SCN9A: variants seen among roughly 807,000 people sequenced by gnomAD.
SCN9A encodes the protein sodium channel protein type 9 subunit alpha.
Under a neutral mutation model 187.0 loss-of-function variants are expected in SCN9A, and 131 were observed. The observed-to-expected ratio is 0.70, with a 90% CI of 0.61 to 0.81. SCN9A has a LOEUF of 0.81. SCN9A is among the 30% of genes least tolerant of loss of function. The pLI is 0.00. For synonymous variants in SCN9A, 809 were observed against 808.6 expected (o/e 1.00, Z -0.01); for missense variants, 2,252 against 2,396.6 (o/e 0.94, Z 1.26).
intron 7 of SCN9A, among the ~76,000 whole-genome samples, chr2:166,298,235 G>T (rs1351956943): frequency 2.0e-5 from 3 of 152,148 alleles, no homozygotes; most frequent in Admixed American, 6.5e-5. Context: ...CAATATTGCG[G>T]TTTTTTCAAA....
At chr2:166,247,099 T>C (rs116586055) in intron 18 of SCN9A, among the ~76,000 whole-genome samples, 1 of 139,840 alleles carries the variant, frequency 7.2e-6, no homozygotes, top group Non-Finnish European at 1.5e-5. Context: ...ACTAATGTGC[T>C]CTCATGGTGC....
intron 1 of SCN9A, among the ~76,000 whole-genome samples, chr2:166,329,085 G>A (rs892969705): frequency 1.3e-5 from 2 of 151,934 alleles, no homozygotes; most frequent in Non-Finnish European, 2.9e-5. Flanking sequence ...ATTAGAAAGC[G>A]ATCTTAAGTG....
In SCN9A at chr2:166,277,298, G is replaced by A. The variant is rs377382693; in HGVS notation, c.2559C>T (p.Asn853=). 6.2e-7 allele frequency: 1 copy of A among 1,611,916 alleles called. No individual in the cohort carries two copies. The highest frequency in any genetic ancestry group is 8.5e-7 in the Non-Finnish European group (1 of 1,178,138). Residue 853 remains asparagine, a synonymous_variant, in exon 16 of 27, where the codon AAC becomes AAT. Coordinates refer to ENST00000642356, the MANE Select transcript of SCN9A (RefSeq NM_001365536.1). ...AGTTACCAATGATCTTAATCAGCAT[G>A]TTCAATGTTGGCCAGGATTTTGCCA... is the stretch of plus-strand genomic sequence containing the variant. ...FKLAKSWPTL[N]MLIKIIGNSV... is the part of the protein sequence containing the mutation.
intron 7 of SCN9A, among the ~76,000 whole-genome samples, chr2:166,299,757 C>G (rs996371725): frequency 2.0e-5 from 3 of 150,836 alleles, no homozygotes; most frequent in Admixed American, 6.6e-5. Context: ...CCTCTGATTT[C>G]TATACTTAAA....
At position 166,204,152 on chromosome 2, in the gene SCN9A, C is replaced by G; in HGVS notation, c.4577G>C (p.Cys1526Ser). ...TACCATCATGGTTACCATGTTGAGACAGATAAGAACCATGATACTAATATC... is the reference window on the plus strand; with the variant it reads ...TACCATCATGGTTACCATGTTGAGAGAGATAAGAACCATGATACTAATATC... The part of the protein sequence containing the change: ...AFDISIMVLI[C>S]LNMVTMMVEK... Residue 1526 changes from cysteine (C) to serine (S), a missense_variant, in exon 26 of 27, where the codon TGT becomes TCT. Transcript: ENST00000642356. 1 of 1,611,866 alleles carries G rather than the reference C, an allele frequency of 6.2e-7. No homozygotes were observed. The highest frequency in any genetic ancestry group is 8.5e-7 in the Non-Finnish European group (1 of 1,178,344).
At chr2:166,276,871 C>T (rs1697256633) in intron 16 of SCN9A, 112 bp downstream of exon 16, 1 of 819,886 alleles carries the variant, frequency 1.2e-6, no homozygotes, top group Non-Finnish European at 1.7e-6. Context: ...TATTCTTTTG[C>T]AATTAATAAT....
intron 17 of SCN9A, among the ~76,000 whole-genome samples, chr2:166,254,105 G>A (rs573413038): frequency 3.9e-4 from 59 of 151,264 alleles, no homozygotes; most frequent in African/African-American, 1.4e-3. Flanking sequence ...TTCATATGCA[G>A]GTTTTATGTT....
Position 166,251,867 on chromosome 2 carries a change from A to G in SCN9A, c.3370T>C (p.Ser1124Pro). Residue 1124 changes from serine (S) to proline (P), a missense_variant, in exon 18 of 27, where the codon TCC becomes CCC. By Grantham distance (74) the Ser-to-Pro change is moderately conservative. Transcript: ENST00000642356. ...YSKVRLNRSSSSECSTVDNPL... is the reference protein window; with the variant it reads ...YSKVRLNRSSPSECSTVDNPL... ...TTATCAACTGTGCTGCACTCTGAGG[A>G]GCTTGACCGGTTTAATCTCTAGAAA... 1 of 1,612,360 alleles carries G rather than the reference A, an allele frequency of 6.2e-7. No homozygotes were observed.
At chr2:166,349,038 G>T (rs1317203298) in intron 1 of SCN9A, among the ~76,000 whole-genome samples, 1 of 95,454 alleles carries the variant, frequency 1.0e-5, no homozygotes, top group African/African-American at 5.5e-5. Flanking sequence ...TGAGGCAGGA[G>T]AATCGCTTGA....
intron 1 of SCN9A, among the ~76,000 whole-genome samples, chr2:166,367,315 T>A (rs1700441354): frequency 6.6e-6 from 1 of 152,196 alleles, no homozygotes; most frequent in African/African-American, 2.4e-5. Flanking sequence ...CAGGCAGGAG[T>A]GCAGTGGCTC....
At chr2:166,287,420 A>T (rs1001740759) in intron 10 of SCN9A, among the ~76,000 whole-genome samples, 1 of 152,102 alleles carries the variant, frequency 6.6e-6, no homozygotes, top group Non-Finnish European at 1.5e-5. Flanking sequence ...TCTATGGCAA[A>T]ATAATACTTT....
At chr2:166,263,086 A>G (rs1052573189) in intron 17 of SCN9A, among the ~76,000 whole-genome samples, 26 of 151,968 alleles carry the variant, frequency 1.7e-4, no homozygotes, top group African/African-American at 6.3e-4. Context: ...TCCCCTGGAA[A>G]GGTAAAGGGA....
intron 20 of SCN9A, among the ~76,000 whole-genome samples, chr2:166,235,847 A>C (rs1272569938): frequency 6.6e-6 from 1 of 151,654 alleles, no homozygotes; most frequent in Admixed American, 6.6e-5. Flanking sequence ...TGATTTCTGC[A>C]CATTACATAC....
intron 16 of SCN9A, among the ~76,000 whole-genome samples, chr2:166,275,418 C>G (rs1697188599): frequency 6.6e-6 from 1 of 151,946 alleles, no homozygotes; most frequent in Non-Finnish European, 1.5e-5. Context: ...AAACCTGTCT[C>G]TACTAAAAAT....
chr2:166,220,793 C>T (rs923892864), intron 24 of SCN9A, among the ~76,000 whole-genome samples: 10 of 152,146 alleles, frequency 6.6e-5, no homozygotes, highest in Non-Finnish European at 1.5e-4. Context: ...TTGTATTTAA[C>T]ACAGCACTAG....
intron 20 of SCN9A, 35 bp downstream of exon 20, chr2:166,238,059 A>T: frequency 1.3e-6 from 2 of 1,519,744 alleles, no homozygotes; most frequent in South Asian, 2.4e-5. Context: ...CAGTAAGAAT[A>T]AATCCTCTTT....
At chr2:166,359,355 T>C (rs1360691665) in intron 1 of SCN9A, among the ~76,000 whole-genome samples, 1 of 152,140 alleles carries the variant, frequency 6.6e-6, no homozygotes, top group East Asian at 1.9e-4. Flanking sequence ...ACCTCTTCTT[T>C]AGATTATAAA....
At chr2:166,303,337 T>C in intron 6 of SCN9A, 35 bp from the exon 7 acceptor site, 1 of 1,540,306 alleles carries the variant, frequency 6.5e-7, no homozygotes, top group South Asian at 1.2e-5. Flanking sequence ...TGTAATGACA[T>C]AAAGCCTCTG....
At chr2:166,350,640 TAAATAAGAATTAG>T (rs2105297697) in intron 1 of SCN9A, among the ~76,000 whole-genome samples, 1 of 152,330 alleles carries the variant, frequency 6.6e-6, no homozygotes, top group Non-Finnish European at 1.5e-5. Context: ...ATTTTGTCTG[TAAATAAGAATTAG>T]AACTATATTT....
Sources: allele counts gnomAD v4.1 joint callset (sites outside exome capture counted in the v4.1 genomes callset), GRCh38; gene constraint gnomAD v4.1.1; transcripts MANE v1.5; gene names NCBI Gene and HGNC (gene_info 2026-07-23, HGNC 2026-07-21).